TBX15: variants seen among roughly 807,000 people sequenced by gnomAD.
TBX15 encodes T-box transcription factor 15, also known as T-box transcription factor TBX15.
TBX15 carries 18 observed loss-of-function variants against 53.9 expected under a neutral mutation model. The observed-to-expected ratio is 0.33, with a 90% confidence interval of 0.23 to 0.49. The LOEUF (loss-of-function observed/expected upper bound fraction) is 0.49. TBX15 is among the 20% of genes least tolerant of loss of function. The pLI, the probability that TBX15 is intolerant of heterozygous loss-of-function variation, is 0.98. For synonymous variants in TBX15, 295 were observed against 278.0 expected (o/e 1.06, Z -0.61); for missense variants, 692 against 749.5 (o/e 0.92, Z 0.90).
At chr1:118,907,282 G>C (rs751637302) in intron 6 of TBX15, among the ~76,000 whole-genome samples, 5 of 152,154 alleles carry the variant, frequency 3.3e-5, no homozygotes, top group Non-Finnish European at 5.9e-5. Context: ...CAGGATGAAG[G>C]CTCCGTCAGA....
chr1:118,958,176 A>C (rs1043079833), intron 1 of TBX15, among the ~76,000 whole-genome samples: 2 of 152,228 alleles, frequency 1.3e-5, no homozygotes, highest in Non-Finnish European at 2.9e-5. Context: ...AATTAGGATT[A>C]GATGAAGTCA....
chr1:118,936,693 T>C (rs1655982612), intron 1 of TBX15, among the ~76,000 whole-genome samples: 1 of 152,194 alleles, frequency 6.6e-6, no homozygotes, highest in African/African-American at 2.4e-5. Context: ...GCTCTTACTA[T>C]TTGTCAGGCA....
chr1:118,919,164 GC>G (rs1655342996), intron 5 of TBX15, among the ~76,000 whole-genome samples: 1 of 152,118 alleles, frequency 6.6e-6, no homozygotes, highest in Admixed American at 6.5e-5. Flanking sequence ...GGAAAACAAG[GC>G]CATGTCTTTT....
chr1:118,901,990 T>A (rs562296606), intron 6 of TBX15, among the ~76,000 whole-genome samples: 67 of 152,196 alleles, frequency 4.4e-4, no homozygotes, highest in African/African-American at 1.5e-3. Flanking sequence ...CCCAAAAAAA[T>A]AATGGCTAAG....
chr1:118,915,277 T>C (rs895891361), intron 5 of TBX15, among the ~76,000 whole-genome samples: 16 of 152,210 alleles, frequency 1.1e-4, no homozygotes, highest in African/African-American at 3.1e-4. Flanking sequence ...TTTTTGATAA[T>C]TGTAGAACGT....
chr1:118,936,989 A>G lies in TBX15; in HGVS notation c.206-5157T>C, dbSNP rs535943867. 3.3e-5 allele frequency among the ~76,000 whole-genome samples: 5 copies of G among 152,320 alleles called. No individual in the cohort carries two copies. In the East Asian group the frequency reaches 9.6e-4, roughly 29 times the overall value. On this transcript the variant is annotated intron_variant, in intron 1 of 7. Coordinates refer to ENST00000369429, the MANE Select transcript of TBX15 (RefSeq NM_001330677.2). The stretch of plus-strand genomic sequence containing the variant: ...TGGTAGAAAGGACATAGAAACTGTT[A>G]AGGAAGGCTGACTGTGACAGATACG...
At chr1:118,944,321 T>C (rs1338415144) in intron 1 of TBX15, among the ~76,000 whole-genome samples, 1 of 152,206 alleles carries the variant, frequency 6.6e-6, no homozygotes, top group Non-Finnish European at 1.5e-5. Flanking sequence ...CCTTACACTG[T>C]CTTCTGTGTA....
intron 1 of TBX15, among the ~76,000 whole-genome samples, chr1:118,959,054 G>GAA (rs58313588): frequency 6.7e-6 from 1 of 148,890 alleles, no homozygotes; most frequent in South Asian, 2.1e-4. Context: ...GAGAGAGAGA[G>GAA]TATGTGTGTG....
chr1:118,936,842 C>G (rs1490804718), intron 1 of TBX15, among the ~76,000 whole-genome samples: 1 of 152,146 alleles, frequency 6.6e-6, no homozygotes, highest in South Asian at 2.1e-4. Context: ...ATGTCCAGCA[C>G]AGAAGACTAC....
intron 1 of TBX15, among the ~76,000 whole-genome samples, chr1:118,951,532 T>C (rs1241767827): frequency 6.6e-6 from 1 of 152,188 alleles, no homozygotes; most frequent in Non-Finnish European, 1.5e-5. Context: ...GTCCTTCCTC[T>C]CTTGTTGGCA....
intron 1 of TBX15, among the ~76,000 whole-genome samples, chr1:118,962,230 G>A (rs17022926): frequency 0.023 from 3,457 of 152,278 alleles, 130 homozygotes; most frequent in African/African-American, 0.079. Flanking sequence ...TTTTGGCTAT[G>A]TGAGCTTACA....
chr1:118,884,361 GGTCT>G lies in TBX15; in HGVS notation c.*367_*370del. 3.2e-6 allele frequency: 1 copy of G among 313,202 alleles called. No individual in the cohort carries two copies. Among genetic ancestry groups the G allele is most frequent in the Non-Finnish European group, 6.1e-6 (1 of 165,026 alleles). 19.4% of individuals were successfully genotyped at this position (313,202 alleles called of 1,614,324 possible). A position where few individuals can be genotyped will look rare whatever the true frequency, so the allele number is the denominator to read the frequency against. On this transcript the variant is annotated 3_prime_UTR_variant, in exon 8 of 8. Transcript: ENST00000369429. Reference sequence around the variant, plus strand: ...GTGTGTGTGCACGTATGTATAGGTAGGTCTGTCTGTATGTGGGTGTGTATGTGTA... The same window carrying G: ...GTGTGTGTGCACGTATGTATAGGTAGGTCTGTATGTGGGTGTGTATGTGTA...
At chr1:118,934,877 A>T (rs1224064450) in intron 1 of TBX15, among the ~76,000 whole-genome samples, 2 of 152,218 alleles carry the variant, frequency 1.3e-5, no homozygotes, top group Non-Finnish European at 2.9e-5. Flanking sequence ...AAATACCCTG[A>T]ACTTCTAGAT....
chr1:118,914,075 T>A (rs746657784), intron 6 of TBX15, 40 bp downstream of exon 6: 10 of 1,604,166 alleles, frequency 6.2e-6, no homozygotes, highest in Non-Finnish European at 6.0e-6. Context: ...GGAAGTAATG[T>A]CACATAGAAA....
chr1:118,967,157 C>T (rs1657059028), intron 1 of TBX15, among the ~76,000 whole-genome samples: 1 of 152,196 alleles, frequency 6.6e-6, no homozygotes, highest in Non-Finnish European at 1.5e-5. Context: ...AATACCATCA[C>T]TGTGGTATTC....
intron 1 of TBX15, among the ~76,000 whole-genome samples, chr1:118,958,568 G>C (rs572514653): frequency 6.6e-6 from 1 of 152,068 alleles, no homozygotes; most frequent in South Asian, 2.1e-4. Context: ...TATTTATCTT[G>C]ATCAGTGATA....
At chr1:118,895,460 A>G (rs2101484464) in intron 7 of TBX15, among the ~76,000 whole-genome samples, 1 of 152,310 alleles carries the variant, frequency 6.6e-6, no homozygotes, top group Admixed American at 6.5e-5. Flanking sequence ...TGAGGCACAG[A>G]TTTTATTCAA....
chr1:118,914,551 G>A (rs1655127570), intron 5 of TBX15, among the ~76,000 whole-genome samples: 1 of 152,190 alleles, frequency 6.6e-6, no homozygotes, highest in African/African-American at 2.4e-5. Context: ...AATGCTTGTT[G>A]AATGAGTGAG....
At chr1:118,916,324 G>A (rs1199803899) in intron 5 of TBX15, among the ~76,000 whole-genome samples, 1 of 152,198 alleles carries the variant, frequency 6.6e-6, no homozygotes, top group African/African-American at 2.4e-5. Flanking sequence ...GAGACAGCAT[G>A]TGAGCTAGGC....
Sources: allele counts gnomAD v4.1 joint callset (sites outside exome capture counted in the v4.1 genomes callset), GRCh38; gene constraint gnomAD v4.1.1; transcripts MANE v1.5; gene names NCBI Gene and HGNC (gene_info 2026-07-23, HGNC 2026-07-21).